The following FREM2 variants were observed in gnomAD, a reference collection of about 807,000 sequenced individuals.
FREM2 encodes the protein FRAS1-related extracellular matrix protein 2.
In FREM2, 119 loss-of-function variants were observed where a neutral mutation model predicts 219.9. The ratio of observed to expected loss-of-function variants is 0.54; its 90% CI spans 0.47 to 0.63. FREM2 has a LOEUF of 0.63. Ranked by LOEUF, FREM2 falls within the 30% of genes least tolerant of loss-of-function variation. The pLI is 0.00. For synonymous variants in FREM2, 1,562 were observed against 1,522.8 expected (o/e 1.03, Z -0.60); for missense variants, 4,030 against 3,993.6 (o/e 1.01, Z -0.25).
At position 38,857,912 on chromosome 13, in the gene FREM2, G is replaced by A; in HGVS notation, c.7094G>A (p.Ser2365Asn). Reference sequence around the variant, plus strand: ...ATTGTGTACATAGAAGAAATGAGCAGCATGGCAGATGTCACTTTTCCTTCT... The same window carrying A: ...ATTGTGTACATAGAAGAAATGAGCAACATGGCAGATGTCACTTTTCCTTCT... ...KAIVYIEEMS[S>N]MADVTFPSVP... The change falls in exon 13 of 24, where the codon AGC becomes AAC. Residue 2365 changes from serine to asparagine, a missense_variant. Coordinates refer to ENST00000280481, the MANE Select transcript of FREM2 (RefSeq NM_207361.6). 1.2e-6 allele frequency: 2 copies of A among 1,613,512 alleles called. No homozygotes were observed. The highest frequency in any genetic ancestry group is 3.3e-5 in the Admixed American group (2 of 60,016).
rs560862153 is a variant in FREM2, at chr13:38,797,765, A to T, written c.6019+12957A>T. On this transcript the variant is annotated intron_variant, in intron 6 of 23. Coordinates refer to ENST00000280481, the MANE Select transcript of FREM2 (RefSeq NM_207361.6). ...TTCTTAGTTTTTATAGTTTTATAGT[A>T]GTCTTATATTTAAGTCTTTAATCCA... Among the ~76,000 whole-genome samples, 36 of 152,012 alleles carry T rather than the reference A, an allele frequency of 2.4e-4. No homozygotes were observed. In the South Asian group the frequency reaches 7.1e-3, roughly 30 times the overall value.
intron 6 of FREM2, among the ~76,000 whole-genome samples, chr13:38,828,669 C>G (rs146917266): frequency 9.2e-5 from 14 of 152,024 alleles, no homozygotes; most frequent in African/African-American, 3.4e-4. Flanking sequence ...TATGATCTTG[C>G]CACTACACTG....
intron 2 of FREM2, among the ~76,000 whole-genome samples, chr13:38,758,280 C>T (rs528707791): frequency 5.9e-5 from 9 of 152,210 alleles, no homozygotes; most frequent in East Asian, 3.9e-4. Flanking sequence ...TTTTTTAAAC[C>T]GGATTTCTTA....
intron 2 of FREM2, among the ~76,000 whole-genome samples, chr13:38,712,661 C>T (rs1006449990): frequency 6.6e-6 from 1 of 150,502 alleles, no homozygotes; most frequent in South Asian, 2.1e-4. Flanking sequence ...CACACACACA[C>T]ACACACACAC....
Position 38,687,262 on chromosome 13 carries a change from C to T in FREM2, c.-83C>T, listed in dbSNP as rs1015106576. 1.3e-6 allele frequency: 2 copies of T among 1,537,558 alleles called. No individual in the cohort carries two copies. The highest frequency in any genetic ancestry group is 2.0e-5 in the Admixed American group (1 of 50,908). ...GCAACGCGCGGAGTTCCTGGCACTT[C>T]CCGGCGGTGTCTCTTGTTGTCTGCC... On this transcript the variant is annotated 5_prime_UTR_variant, in exon 1 of 24. Transcript: ENST00000280481.
At chr13:38,825,433 T>C (rs1267126402) in intron 6 of FREM2, among the ~76,000 whole-genome samples, 3 of 149,232 alleles carry the variant, frequency 2.0e-5, no homozygotes, top group South Asian at 2.1e-4. Context: ...GCCTTATTTA[T>C]TAAAAAAAAA....
chr13:38,697,605 T>C, intron 1 of FREM2, 93 bp from the exon 2 acceptor site: 1 of 764,886 alleles, frequency 1.3e-6, no homozygotes. Flanking sequence ...TTAAACATGT[T>C]TATAGGAAAA....
chr13:38,749,079 C>G (rs942059228), intron 2 of FREM2, among the ~76,000 whole-genome samples: 3 of 152,138 alleles, frequency 2.0e-5, no homozygotes, highest in African/African-American at 7.2e-5. Context: ...ATTTTGTGTT[C>G]TCGGCTCTAA....
chr13:38,819,813 C>T (rs1189500324), intron 6 of FREM2, among the ~76,000 whole-genome samples: 1 of 152,106 alleles, frequency 6.6e-6, no homozygotes, highest in African/African-American at 2.4e-5. Flanking sequence ...CAAGGTCAAA[C>T]AGCCGGTAAG....
chr13:38,829,008 CAAG>C (rs1269903985), intron 6 of FREM2, among the ~76,000 whole-genome samples: 1 of 151,962 alleles, frequency 6.6e-6, no homozygotes, highest in Non-Finnish European at 1.5e-5. Context: ...TATAATATGA[CAAG>C]AAATTATCTG....
At position 38,687,335 on chromosome 13, in the gene FREM2, C is replaced by A. The variant is rs1397994951; in HGVS notation, c.-10C>A. The A allele has an allele frequency of 6.3e-7, 1 of 1,594,886 alleles. No individual in the cohort carries two copies. Among genetic ancestry groups the A allele is most frequent in the Non-Finnish European group, 8.5e-7 (1 of 1,170,890 alleles). On this transcript the variant is annotated 5_prime_UTR_variant, in exon 1 of 24. Coordinates refer to ENST00000280481, the MANE Select transcript of FREM2 (RefSeq NM_207361.6). ...TCAGGCTGACCTGTCCAAGCCCGAA[C>A]ACCGGGACCATGCACTCAGCCGGGA...
chr13:38,861,643 A>T, intron 15 of FREM2, 81 bp downstream of exon 15: 2 of 1,485,340 alleles, frequency 1.3e-6, no homozygotes, highest in Non-Finnish European at 1.9e-6. Context: ...TCTTCTAAAT[A>T]ACCAAGCTTA....
rs1877245034 is a variant in FREM2 at position 38,848,484 on chromosome 13, A to G, written c.6193A>G (p.Ser2065Gly). The part of the protein sequence containing the change: ...ADAGTDYVGI[S>G]RNLDFAPGVN... ...AGCTGGAACAGACTATGTGGGCATC[A>G]GCCGTAATTTAGATTTTGCACCTGG... Residue 2065 changes from serine (S) to glycine (G), a missense_variant, in exon 8 of 24, where the codon AGC becomes GGC. Ser to Gly is a moderately conservative substitution (Grantham distance 56, BLOSUM62 0). This residue lies in a region of FREM2 where 3,102 missense variants were observed against 2,950.7 expected (regional missense o/e 1.05). Coordinates refer to ENST00000280481, the MANE Select transcript of FREM2 (RefSeq NM_207361.6). 6.2e-7 allele frequency: 1 copy of G among 1,613,706 alleles called. No homozygotes were observed. The highest frequency in any genetic ancestry group is 8.5e-7 in the Non-Finnish European group (1 of 1,179,738).
At chr13:38,751,534 A>T (rs184530799) in intron 2 of FREM2, among the ~76,000 whole-genome samples, 2 of 152,210 alleles carry the variant, frequency 1.3e-5, no homozygotes, top group East Asian at 3.9e-4. Flanking sequence ...CCCATCCTCC[A>T]TCCACAGACC....
intron 23 of FREM2, among the ~76,000 whole-genome samples, chr13:38,879,784 T>A (rs1027190585): frequency 4.6e-5 from 7 of 152,202 alleles, no homozygotes; most frequent in Admixed American, 2.6e-4. Context: ...CTTCAAAGAC[T>A]CATCAGAAAA....
At chr13:38,788,615 T>G (rs1257545129) in intron 6 of FREM2, among the ~76,000 whole-genome samples, 1 of 152,186 alleles carries the variant, frequency 6.6e-6, no homozygotes, top group East Asian at 1.9e-4. Flanking sequence ...CAATCATTTC[T>G]TTTCATTCAC....
chr13:38,738,298 G>A (rs1872080855), intron 2 of FREM2, among the ~76,000 whole-genome samples: 1 of 152,074 alleles, frequency 6.6e-6, no homozygotes, highest in Non-Finnish European at 1.5e-5. Flanking sequence ...GGGAGCAGTG[G>A]CTCACACCTG....
At chr13:38,791,060 A>C (rs992175183) in intron 6 of FREM2, among the ~76,000 whole-genome samples, 2 of 152,194 alleles carry the variant, frequency 1.3e-5, no homozygotes, top group African/African-American at 2.4e-5. Context: ...GCGATGACTG[A>C]AACAGCTTAC....
chr13:38,691,270 A>G lies in FREM2; in HGVS notation c.3926A>G (p.Asn1309Ser), dbSNP rs772825220. The G allele has an allele frequency of 8.1e-6, 13 of 1,613,842 alleles. No homozygotes were observed. Among genetic ancestry groups the G allele is most frequent in the African/African-American group, 1.3e-5 (1 of 74,924 alleles). Residue 1309 changes from asparagine (N) to serine (S), a missense_variant, in exon 1 of 24, where the codon AAT (asparagine) becomes AGT (serine). Physicochemically the swap from Asn to Ser is conservative, Grantham distance 46. Transcript: ENST00000280481. Reference protein sequence around the residue: ...VDDETPRMTINNGLEIEIGDT... With the variant: ...VDDETPRMTISNGLEIEIGDT... Reference sequence around the variant, plus strand: ...GATGAGACGCCCAGAATGACTATCAATAATGGACTAGAAATAGAAATTGGG... The same window carrying G: ...GATGAGACGCCCAGAATGACTATCAGTAATGGACTAGAAATAGAAATTGGG...
Sources: gnomAD v4.1 joint callset for allele counts (sites outside exome capture counted in the v4.1 genomes callset) on GRCh38, gnomAD v4.1.1 for gene constraint, gnomAD v4.1.1 regional missense constraint, MANE v1.5 for transcripts, NCBI Gene and HGNC (gene_info 2026-07-23, HGNC 2026-07-21) for gene names.